KLK11: variants seen among roughly 807,000 people sequenced by gnomAD.
KLK11 encodes kallikrein-11.
KLK11 carries 10 observed loss-of-function variants against 23.4 expected under a neutral mutation model. The ratio of observed to expected loss-of-function variants is 0.43; its 90% CI spans 0.26 to 0.73. The LOEUF (loss-of-function observed/expected upper bound fraction) is 0.73. Among genes scored for constraint, KLK11 ranks in the 30% least tolerant of loss-of-function variants. The pLI, the probability that KLK11 is intolerant of heterozygous loss-of-function variation, is 0.22. For missense variants in KLK11, 285 were observed against 327.8 expected (o/e 0.87, Z 1.01); for synonymous variants, 131 against 131.7 (o/e 0.99, Z 0.03).
At chr19:51,026,281 C>A (rs769297123) in intron 1 of KLK11, among the ~76,000 whole-genome samples, 1 of 151,946 alleles carries the variant, frequency 6.6e-6, no homozygotes, top group Non-Finnish European at 1.5e-5. Context: ...GAGGGGAGGG[C>A]CAGTGCCCTC....
rs1479468778 is a variant in KLK11 at position 51,025,972 on chromosome 19, C to T, written c.-35-306G>A. On this transcript the variant is annotated intron_variant, in intron 1 of 5. Coordinates refer to ENST00000453757, the MANE Select transcript of KLK11 (RefSeq NM_001136032.3). The surrounding 1 kb of genome is among the most constrained non-coding windows in gnomAD (Gnocchi z 6.2). ...AGCCATGGTTCGGCCCTGTTCAAGT[C>T]AGCCATGGGACCTCCCCGGCACATG... Among the ~76,000 whole-genome samples the T allele has an allele frequency of 2.6e-5, 4 of 152,190 alleles. No homozygotes were observed. The highest frequency in any genetic ancestry group is 5.9e-5 in the Non-Finnish European group (4 of 68,034).
intron 5 of KLK11, 35 bp from the exon 6 acceptor site, chr19:51,022,732 A>G: frequency 6.2e-7 from 1 of 1,611,730 alleles, no homozygotes; most frequent in Non-Finnish European, 8.5e-7. Context: ...GGTCAGAGAA[A>G]GCGTTGAGCA....
upstream of KLK11, chr19:51,026,733 G>A (rs2091492502): frequency 5.0e-6 from 2 of 398,114 alleles, no homozygotes; most frequent in African/African-American, 4.4e-5. Flanking sequence ...GTGTGTGTGA[G>A]GGCCCTCCCC....
chr19:51,025,661 G>A lies in KLK11; in HGVS notation c.-30C>T, dbSNP rs751991575. The A allele has an allele frequency of 3.8e-6, 6 of 1,565,570 alleles. No homozygotes were observed. Among genetic ancestry groups the A allele is most frequent in the Middle Eastern group, 1.7e-4 (1 of 5,720 alleles). On this transcript the variant is annotated 5_prime_UTR_variant, in exon 2 of 6. Coordinates refer to ENST00000453757, the MANE Select transcript of KLK11 (RefSeq NM_001136032.3). The surrounding 1 kb of genome is among the most constrained non-coding windows in gnomAD (Gnocchi z 6.2). ...TGGAGGGGGGAGGAGCGGGCCCCAG[G>A]TTCCTCTGGGAACAAGGAGGGACAT...
chr19:51,025,998 T>C lies in KLK11; in HGVS notation c.-35-332A>G, dbSNP rs1237759110. Among the ~76,000 whole-genome samples the C allele has an allele frequency of 6.6e-6, 1 of 152,088 alleles. No homozygotes were observed. Among genetic ancestry groups the C allele is most frequent in the African/African-American group, 2.4e-5 (1 of 41,408 alleles). ...AGCCATGGGACCTCCCCGGCACATG[T>C]CAGAGGATGTTTTCCTTCTTGCCTT... On this transcript the variant is annotated intron_variant, in intron 1 of 5. Transcript: ENST00000453757. This position sits in a 1 kb window ranked among gnomAD's most constrained non-coding sequence, Gnocchi z 6.2.
chr19:51,027,636 G>T, upstream of KLK11: 1 of 1,242,398 alleles, frequency 8.0e-7, no homozygotes. Flanking sequence ...GCAGGGGAGG[G>T]CCTAGGTTCT....
Position 51,022,404 on chromosome 19 carries a change from G to C in KLK11, c.*141C>G. The C allele has an allele frequency of 1.1e-6, 1 of 928,268 alleles. No individual in the cohort carries two copies. Among genetic ancestry groups the C allele is most frequent in the South Asian group, 1.5e-5 (1 of 65,956 alleles). The allele number at this position is 928,268 out of a possible 1,614,324, so 57.5% of individuals were successfully genotyped here. On this transcript the variant is annotated 3_prime_UTR_variant, in exon 6 of 6. Transcript: ENST00000453757. ...TTTCGAACCCCAGGTTGATTATTAAGTGACAGCATCTCCTGTAGTCCAGGA... is the reference window on the plus strand; with the variant it reads ...TTTCGAACCCCAGGTTGATTATTAACTGACAGCATCTCCTGTAGTCCAGGA...
chr19:51,024,512 A>G lies in KLK11; in HGVS notation c.197+126T>C, dbSNP rs2091451156. 2.4e-6 allele frequency: 3 copies of G among 1,265,534 alleles called. No homozygotes were observed. The highest frequency in any genetic ancestry group is 3.0e-5 in the African/African-American group (2 of 65,968). 78.4% of individuals were successfully genotyped at this position (1,265,534 alleles called of 1,614,324 possible). A position where few individuals can be genotyped will look rare whatever the true frequency, so the allele number is the denominator to read the frequency against. On this transcript the variant is annotated intron_variant, in intron 3 of 5. Transcript: ENST00000453757. This position sits in a 1 kb window ranked among gnomAD's most constrained non-coding sequence, Gnocchi z 6.2. The stretch of plus-strand genomic sequence containing the variant: ...CTTCAATACCAACTCGAGCCCATCA[A>G]CCTTGCTGACACTACCCATCCCCAT...
In KLK11 at chr19:51,022,599, G is replaced by A. The variant is rs575475067; in HGVS notation, c.699C>T (p.Tyr233=). The A allele has an allele frequency of 1.9e-4, 305 of 1,614,090 alleles. 1 individual carries two copies. In the South Asian group the frequency reaches 3.2e-3, roughly 17 times the overall value. Residue 233 remains tyrosine, a synonymous_variant, in exon 6 of 6, where the codon TAC becomes TAT. Coordinates refer to ENST00000453757, the MANE Select transcript of KLK11 (RefSeq NM_001136032.3). Reference sequence around the variant, plus strand: ...AGTCCACATATTTGCAGACTTTCGTGTAGACACCAGGCTTTCGGGTGATCG... The same window carrying A: ...AGTCCACATATTTGCAGACTTTCGTATAGACACCAGGCTTTCGGGTGATCG... ...PCAITRKPGV[Y]TKVCKYVDWI... is the part of the protein sequence containing the mutation.
intron 4 of KLK11, 42 bp from the exon 5 acceptor site, chr19:51,023,270 C>A: frequency 6.3e-7 from 1 of 1,598,842 alleles, no homozygotes; most frequent in Non-Finnish European, 8.5e-7. Flanking sequence ...GAGCCCCCTG[C>A]CACCTCCCCT....
In KLK11 at chr19:51,024,322, G is replaced by A; in HGVS notation, c.198-12C>T. 6.2e-7 allele frequency: 1 copy of A among 1,612,240 alleles called. No individual in the cohort carries two copies. Among genetic ancestry groups the A allele is most frequent in the Non-Finnish European group, 8.5e-7 (1 of 1,179,410 alleles). On this transcript the variant is annotated splice_polypyrimidine_tract_variant and intron_variant, in intron 3 of 5. Coordinates refer to ENST00000453757, the MANE Select transcript of KLK11 (RefSeq NM_001136032.3). This position sits in a 1 kb window ranked among gnomAD's most constrained non-coding sequence, Gnocchi z 6.2. ...GAACTATGTAGCGGCTGAGGTGGGA[G>A]AGACAGTAGTTGGAGGAGGAAAGGT... is the stretch of plus-strand genomic sequence containing the variant.
At position 51,024,903 on chromosome 19, in the gene KLK11, C is replaced by G. The variant is rs1236237124; in HGVS notation, c.41-109G>C. 7.3e-6 allele frequency: 8 copies of G among 1,101,030 alleles called. No homozygotes were observed. The Admixed American group carries it at 2.4e-4, about 33-fold the overall frequency. The allele number at this position is 1,101,030 out of a possible 1,614,324, so 68.2% of individuals were successfully genotyped here. On this transcript the variant is annotated intron_variant, in intron 2 of 5. Transcript: ENST00000453757. This position sits in a 1 kb window ranked among gnomAD's most constrained non-coding sequence, Gnocchi z 6.2. ...AGAGAAAGAGAGTGGGTGGTCTGGG[C>G]CCTGGTCTGGTGTCCCTCTGGGTTG...
At position 51,024,682 on chromosome 19, in the gene KLK11, G is replaced by A. The variant is rs768224158; in HGVS notation, c.153C>T (p.Leu51=). Residue 51 remains leucine (L), a synonymous_variant, in exon 3 of 6, where the codon CTC becomes CTT. Coordinates refer to ENST00000453757, the MANE Select transcript of KLK11 (RefSeq NM_001136032.3). This position sits in a 1 kb window ranked among gnomAD's most constrained non-coding sequence, Gnocchi z 6.2. ...CTGTCAGGAGCCATCTGGGGGCGAT[G>A]AGCGTCGCCCCACAGAGTAGCCGCG... The part of the protein sequence containing the change: ...EKTRLLCGAT[L]IAPRWLLTAA... The A allele has an allele frequency of 9.4e-6, 15 of 1,600,496 alleles. No homozygotes were observed. Among genetic ancestry groups the A allele is most frequent in the Middle Eastern group, 1.7e-4 (1 of 6,036 alleles).
intron 5 of KLK11, 25 bp from the exon 6 acceptor site, chr19:51,022,722 G>A (rs776036011): frequency 3.1e-6 from 5 of 1,612,076 alleles, no homozygotes; most frequent in Non-Finnish European, 4.2e-6. Context: ...AGAGAATGTC[G>A]GTCAGAGAAA....
rs1600148493 is a variant in KLK11 at position 51,022,708 on chromosome 19, GGAGA to G, written c.601-15_601-12del. The G allele has an allele frequency of 6.2e-7, 1 of 1,612,680 alleles. No homozygotes were observed. Among genetic ancestry groups the G allele is most frequent in the Non-Finnish European group, 8.5e-7 (1 of 1,180,012 alleles). ...GCCCCCGGAGTCACCCTGGGCACGG[GGAGA>G]GAGAATGTCGGTCAGAGAAAGCGTT... On this transcript the variant is annotated splice_polypyrimidine_tract_variant and intron_variant, in intron 5 of 5. Transcript: ENST00000453757.
upstream of KLK11, chr19:51,027,193 C>T: frequency 4.1e-6 from 2 of 482,334 alleles, no homozygotes; most frequent in Non-Finnish European, 7.4e-6. Context: ...CCCTGGCCTC[C>T]CCTAGGCCGC....
chr19:51,025,307 G>A lies in KLK11; in HGVS notation c.40+285C>T, dbSNP rs1243021343. 6.6e-6 allele frequency among the ~76,000 whole-genome samples: 1 copy of A among 151,952 alleles called. No homozygotes were observed. Among genetic ancestry groups the A allele is most frequent in the Non-Finnish European group, 1.5e-5 (1 of 68,008 alleles). On this transcript the variant is annotated intron_variant, in intron 2 of 5. Coordinates refer to ENST00000453757, the MANE Select transcript of KLK11 (RefSeq NM_001136032.3). This position sits in a 1 kb window ranked among gnomAD's most constrained non-coding sequence, Gnocchi z 6.2. ...AAAGGAAATACTTCCATACTGGTTGGTCAGTAGCCCCTGTCCTGGGCGCTT... is the reference window on the plus strand; with the variant it reads ...AAAGGAAATACTTCCATACTGGTTGATCAGTAGCCCCTGTCCTGGGCGCTT...
At position 51,022,412 on chromosome 19, in the gene KLK11, A is replaced by G. The variant is rs2091414476; in HGVS notation, c.*133T>C. ...CCCAGGTTGATTATTAAGTGACAGCATCTCCTGTAGTCCAGGAGGCCCAAA... is the reference window on the plus strand; with the variant it reads ...CCCAGGTTGATTATTAAGTGACAGCGTCTCCTGTAGTCCAGGAGGCCCAAA... On this transcript the variant is annotated 3_prime_UTR_variant, in exon 6 of 6. Coordinates refer to ENST00000453757, the MANE Select transcript of KLK11 (RefSeq NM_001136032.3). 2.0e-6 allele frequency: 2 copies of G among 981,576 alleles called. No individual in the cohort carries two copies. The highest frequency in any genetic ancestry group is 4.8e-5 in the East Asian group (2 of 41,758). 60.8% of individuals were successfully genotyped at this position (981,576 alleles called of 1,614,324 possible).
At chr19:51,023,390 T>TTTTTTTA in intron 4 of KLK11, 162 bp from the exon 5 acceptor site, 1 of 803,826 alleles carries the variant, frequency 1.2e-6, no homozygotes, top group African/African-American at 1.8e-5. Flanking sequence ...CCAGCTTTTT[T>TTTTTTTA]TTTTTTTTTT....
Sources: gnomAD v4.1 joint callset for allele counts (sites outside exome capture counted in the v4.1 genomes callset) on GRCh38, gnomAD v4.1.1 for gene constraint, Gnocchi (gnomAD v3.1) non-coding constraint, MANE v1.5 for transcripts, NCBI Gene and HGNC (gene_info 2026-07-23, HGNC 2026-07-21) for gene names.